The following PDPR variants were observed in gnomAD, a reference collection of about 807,000 sequenced individuals.
PDPR encodes the protein pyruvate dehydrogenase phosphatase regulatory subunit.
Under a neutral mutation model 102.2 loss-of-function variants are expected in PDPR, and 50 were observed. The ratio of observed to expected loss-of-function variants is 0.49; its 90% CI spans 0.39 to 0.62. The LOEUF is 0.62. PDPR is among the 20% of genes least tolerant of loss of function. The pLI, the probability that PDPR is intolerant of heterozygous loss-of-function variation, is 0.00. For missense variants in PDPR, 625 were observed against 1,098.2 expected, an observed-to-expected ratio of 0.57 and a Z score of 6.09; for synonymous variants, 259 against 406.0, an observed-to-expected ratio of 0.64 and a Z score of 4.35.
chr16:70,153,784 G>A (rs549649513), intron 18 of PDPR, among the ~76,000 whole-genome samples: 22 of 152,386 alleles, frequency 1.4e-4, no homozygotes, highest in Admixed American at 2.6e-4. Flanking sequence ...GGTGGCTCAC[G>A]CCTGAATCCC....
chr16:70,162,709 G>T (rs572389894), downstream of PDPR, among the ~76,000 whole-genome samples: 4 of 152,266 alleles, frequency 2.6e-5, no homozygotes, highest in Admixed American at 6.5e-5. Flanking sequence ...TCCCTGCAGC[G>T]CTGGAGTGGC....
rs969950413 is a variant in PDPR, at chr16:70,159,415, T to G, written c.*2536T>G. On this transcript the variant is annotated 3_prime_UTR_variant, in exon 19 of 19. Coordinates refer to ENST00000288050, the MANE Select transcript of PDPR (RefSeq NM_017990.5). ...CCCTTGTCCATGAATAGGGTCATACTCCTAAGACTGATGGGGTGTTGATCT... is the reference window on the plus strand; with the variant it reads ...CCCTTGTCCATGAATAGGGTCATACGCCTAAGACTGATGGGGTGTTGATCT... 1 of 152,606 alleles carries G rather than the reference T, an allele frequency of 6.6e-6. No homozygotes were observed. The highest frequency in any genetic ancestry group is 2.4e-5 in the African/African-American group (1 of 41,484). 9.5% of individuals were successfully genotyped at this position (152,606 alleles called of 1,614,324 possible).
intron 6 of PDPR, among the ~76,000 whole-genome samples, 170 bp from the exon 7 acceptor site, chr16:70,130,253 A>C (rs1298498270): frequency 2.1e-4 from 32 of 152,256 alleles, no homozygotes; most frequent in Admixed American, 3.3e-4. Flanking sequence ...GCACGACTAC[A>C]CTCCACCCTT....
At chr16:70,117,535 T>C (rs745364519) in intron 2 of PDPR, among the ~76,000 whole-genome samples, 1 of 151,580 alleles carries the variant, frequency 6.6e-6, no homozygotes, top group Non-Finnish European at 1.5e-5. Context: ...ATAAATAAGA[T>C]GTCAAAGAGG....
chr16:70,146,128 A>C lies in PDPR; in HGVS notation c.1868-6A>C, dbSNP rs764069716. 182 of 1,612,236 alleles carry C rather than the reference A, an allele frequency of 1.1e-4. No homozygotes were observed. Among genetic ancestry groups the C allele is most frequent in the Non-Finnish European group, 1.1e-4 (132 of 1,178,658 alleles). On this transcript the variant is annotated splice_polypyrimidine_tract_variant and splice_region_variant and intron_variant, in intron 15 of 18. Coordinates refer to ENST00000288050, the MANE Select transcript of PDPR (RefSeq NM_017990.5). ...AGCTGGACATCTCTTGTTCTTTTCC[A>C]TTTAGCCCTCAATCTGATTGGCCCT... is the stretch of plus-strand genomic sequence containing the variant.
At chr16:70,123,768 G>A (rs1473595379) in intron 3 of PDPR, among the ~76,000 whole-genome samples, 2 of 152,216 alleles carry the variant, frequency 1.3e-5, no homozygotes, top group African/African-American at 2.4e-5. Flanking sequence ...AAATAATTAC[G>A]CCAGCCAGGC....
chr16:70,123,573 A>G (rs1255022224), intron 3 of PDPR, among the ~76,000 whole-genome samples: 7 of 152,268 alleles, frequency 4.6e-5, no homozygotes, highest in Non-Finnish European at 1.0e-4. Flanking sequence ...TCTTTCTCCT[A>G]TTTTTTGAAA....
At chr16:70,138,872 C>T (rs1331971182) in intron 10 of PDPR, 27 bp from the exon 11 acceptor site, 2 of 1,611,490 alleles carry the variant, frequency 1.2e-6, no homozygotes, top group Admixed American at 3.3e-5. Context: ...ACACCTGAGC[C>T]CCAACACGTG....
chr16:70,137,662 G>A (rs574396363), intron 10 of PDPR, among the ~76,000 whole-genome samples: 46 of 152,370 alleles, frequency 3.0e-4, no homozygotes, highest in Admixed American at 5.2e-4. Context: ...TGGTAGCCAC[G>A]ATGAAAAGTT....
At chr16:70,132,972 CTAG>C (rs1964695768) in intron 9 of PDPR, among the ~76,000 whole-genome samples, 2 of 152,214 alleles carry the variant, frequency 1.3e-5, no homozygotes, top group Non-Finnish European at 2.9e-5. Context: ...GCCACCATGC[CTAG>C]CTAATGTTTA....
chr16:70,156,786 C>T lies in PDPR; in HGVS notation c.2547C>T (p.Phe849=), dbSNP rs1384929618. The part of the protein sequence containing the change: ...EYEIDIAGYR[F]QAKAKLYPVA... ...AGATTGACATCGCGGGATACCGCTT[C>T]CAGGCCAAGGCCAAGCTCTACCCTG... Residue 849 remains phenylalanine, a synonymous_variant, in exon 19 of 19, where the codon TTC becomes TTT. Coordinates refer to ENST00000288050, the MANE Select transcript of PDPR (RefSeq NM_017990.5). 2.5e-6 allele frequency: 4 copies of T among 1,614,086 alleles called. No homozygotes were observed. The East Asian group carries it at 8.9e-5, about 36-fold the overall frequency.
chr16:70,140,826 A>C (rs1965634774), intron 11 of PDPR, among the ~76,000 whole-genome samples: 1 of 151,714 alleles, frequency 6.6e-6, no homozygotes, highest in Non-Finnish European at 1.5e-5. Context: ...ACAAAAAATA[A>C]AAAAAAAATA....
In PDPR at chr16:70,121,258, G is replaced by A. The variant is rs116182879; in HGVS notation, c.227+539G>A. ...GTTTCTCTGTGCTCGCCTTCTTTTA[G>A]GTCAAGTATTTTCTGCTTTATTGGC... On this transcript the variant is annotated intron_variant, in intron 3 of 18. Coordinates refer to ENST00000288050, the MANE Select transcript of PDPR (RefSeq NM_017990.5). Among the ~76,000 whole-genome samples, 1,498 of 151,576 alleles carry A rather than the reference G, an allele frequency of 9.9e-3. 19 individuals carry two copies. Among genetic ancestry groups the A allele is most frequent in the African/African-American group, 0.035 (1,436 of 41,374 alleles).
intron 3 of PDPR, among the ~76,000 whole-genome samples, chr16:70,124,723 A>G (rs1422194218): frequency 6.6e-6 from 1 of 152,194 alleles, no homozygotes; most frequent in Non-Finnish European, 1.5e-5. Flanking sequence ...AGTTAATGGA[A>G]CTCCCACCTG....
chr16:70,143,023 G>A (rs2432284), intron 13 of PDPR, among the ~76,000 whole-genome samples: 12 of 152,224 alleles, frequency 7.9e-5, no homozygotes, highest in South Asian at 2.1e-4. Flanking sequence ...TGGCGAAACC[G>A]TCTCTACCAA....
chr16:70,124,259 A>G (rs1158392128), intron 3 of PDPR, among the ~76,000 whole-genome samples: 1 of 152,248 alleles, frequency 6.6e-6, no homozygotes, highest in Non-Finnish European at 1.5e-5. Context: ...GCTACTCAGG[A>G]GGCTGAGGCA....
intron 3 of PDPR, among the ~76,000 whole-genome samples, chr16:70,123,165 G>C (rs1963525044): frequency 6.6e-6 from 1 of 152,244 alleles, no homozygotes; most frequent in Non-Finnish European, 1.5e-5. Flanking sequence ...GCCTCCCAAA[G>C]TGCTGGGATT....
At chr16:70,135,351 C>T (rs1468189716) in intron 9 of PDPR, among the ~76,000 whole-genome samples, 1 of 152,200 alleles carries the variant, frequency 6.6e-6, no homozygotes, top group African/African-American at 2.4e-5. Flanking sequence ...ATTTTTCTGC[C>T]TCAGCCTCCC....
chr16:70,151,008 C>G (rs868520130), intron 17 of PDPR, among the ~76,000 whole-genome samples: 34 of 152,278 alleles, frequency 2.2e-4, no homozygotes, highest in Admixed American at 2.2e-3. Context: ...GATCTCGGCT[C>G]ACTGCAAGCC....
Sources: allele counts gnomAD v4.1 joint callset (sites outside exome capture counted in the v4.1 genomes callset), GRCh38; gene constraint gnomAD v4.1.1; transcripts MANE v1.5; gene names NCBI Gene and HGNC (gene_info 2026-07-23, HGNC 2026-07-21).